Variants in GNAQ observed in about 807,000 individuals in gnomAD.
GNAQ encodes guanine nucleotide-binding protein G(q) subunit alpha.
Under a neutral mutation model 43.9 loss-of-function variants are expected in GNAQ, and 8 were observed. The observed-to-expected ratio is 0.18, with a 90% CI of 0.11 to 0.33. The LOEUF (loss-of-function observed/expected upper bound fraction) is 0.33, where lower values mean the gene tolerates loss of function less well. GNAQ is among the 10% of genes least tolerant of loss of function. GNAQ has a pLI of 1.00. For missense variants in GNAQ, 158 were observed against 450.8 expected (o/e 0.35, Z 5.88); for synonymous variants, 155 against 170.7 (o/e 0.91, Z 0.71).
Position 77,874,125 on chromosome 9 carries a change from C to CA in GNAQ, c.321+48035dup, listed in dbSNP as rs1463980023. On this transcript the variant is annotated intron_variant, in intron 2 of 6. Coordinates refer to ENST00000286548, the MANE Select transcript of GNAQ (RefSeq NM_002072.5). ...ATCTCAAAAAAAAAAAACAAAAAAACAAAAAAACAAAAAAACAAGAAAGAA... is the reference window on the plus strand; with the variant it reads ...ATCTCAAAAAAAAAAAACAAAAAAACAAAAAAAACAAAAAAACAAGAAAGAA... Among the ~76,000 whole-genome samples the CA allele has an allele frequency of 2.0e-5, 3 of 149,926 alleles. No homozygotes were observed. The South Asian group carries it at 6.3e-4, about 32-fold the overall frequency.
At chr9:78,002,683 T>G (rs1240185169) in intron 1 of GNAQ, among the ~76,000 whole-genome samples, 1 of 152,208 alleles carries the variant, frequency 6.6e-6, no homozygotes, top group Non-Finnish European at 1.5e-5. Context: ...ACTGCATCTT[T>G]TCAACTAGGA....
intron 1 of GNAQ, among the ~76,000 whole-genome samples, chr9:77,980,664 T>TA (rs139443196): frequency 0.29 from 43,994 of 149,698 alleles, 6,554 homozygotes; most frequent in South Asian, 0.44. Context: ...TTTACTAGTT[T>TA]AAAAAAAAAA....
chr9:77,917,623 C>G (rs1328757546), intron 2 of GNAQ, among the ~76,000 whole-genome samples: 1 of 152,164 alleles, frequency 6.6e-6, no homozygotes, highest in African/African-American at 2.4e-5. Context: ...CAGTCAAATG[C>G]CCTTGCACCT....
At chr9:77,750,292 C>G (rs572134656) in intron 5 of GNAQ, among the ~76,000 whole-genome samples, 2 of 152,198 alleles carry the variant, frequency 1.3e-5, no homozygotes, top group Admixed American at 1.3e-4. Flanking sequence ...TTTTGATATT[C>G]AATCTTTCTT....
At chr9:77,976,143 T>C (rs1191792783) in intron 1 of GNAQ, among the ~76,000 whole-genome samples, 2 of 152,044 alleles carry the variant, frequency 1.3e-5, no homozygotes, top group Non-Finnish European at 2.9e-5. Context: ...TTGTTTTAAC[T>C]TTTTGTCTTC....
intron 5 of GNAQ, among the ~76,000 whole-genome samples, chr9:77,767,640 G>A (rs1460378304): frequency 6.6e-6 from 1 of 152,216 alleles, no homozygotes; most frequent in Non-Finnish European, 1.5e-5. Context: ...GATAAAATGG[G>A]ATGAGACTAT....
intron 2 of GNAQ, among the ~76,000 whole-genome samples, chr9:77,877,788 G>A (rs1219571892): frequency 1.3e-5 from 2 of 152,080 alleles, no homozygotes; most frequent in African/African-American, 4.8e-5. Context: ...GGCAAACAAC[G>A]CAGACCCATC....
At chr9:78,001,334 G>T (rs910892377) in intron 1 of GNAQ, among the ~76,000 whole-genome samples, 4 of 152,078 alleles carry the variant, frequency 2.6e-5, no homozygotes, top group African/African-American at 9.7e-5. Flanking sequence ...CTGGGAGGCA[G>T]AGGCTGCAGT....
chr9:77,903,495 A>G (rs1017407674), intron 2 of GNAQ, among the ~76,000 whole-genome samples: 4 of 152,198 alleles, frequency 2.6e-5, no homozygotes, highest in African/African-American at 9.7e-5. Context: ...AGAACATCTC[A>G]GTGGGAACAG....
At chr9:77,871,767 T>C (rs892076578) in intron 2 of GNAQ, among the ~76,000 whole-genome samples, 6 of 152,182 alleles carry the variant, frequency 3.9e-5, no homozygotes, top group African/African-American at 1.4e-4. Flanking sequence ...ATAATAGAAT[T>C]GCAGAATTTT....
chr9:77,943,775 T>C (rs1223786822), intron 1 of GNAQ, among the ~76,000 whole-genome samples: 1 of 151,244 alleles, frequency 6.6e-6, no homozygotes, highest in Non-Finnish European at 1.5e-5. Context: ...GCAATTCTCC[T>C]GCCTCAGCCT....
At chr9:77,935,946 G>A (rs1829224954) in intron 1 of GNAQ, among the ~76,000 whole-genome samples, 1 of 152,110 alleles carries the variant, frequency 6.6e-6, no homozygotes, top group African/African-American at 2.4e-5. Context: ...ATGGAAATAT[G>A]CCTTCTTCCT....
chr9:77,925,038 C>T (rs1206842767), intron 1 of GNAQ, among the ~76,000 whole-genome samples: 1 of 152,026 alleles, frequency 6.6e-6, no homozygotes, highest in Non-Finnish European at 1.5e-5. Context: ...TCAAAAGGTC[C>T]CAGCTCCTGC....
intron 1 of GNAQ, among the ~76,000 whole-genome samples, chr9:77,941,551 T>C (rs1223018536): frequency 6.6e-6 from 1 of 152,080 alleles, no homozygotes; most frequent in Non-Finnish European, 1.5e-5. Context: ...GCCTGGCCAA[T>C]AGGTACCATA....
At chr9:77,965,452 C>G (rs1587434937) in intron 1 of GNAQ, among the ~76,000 whole-genome samples, 1 of 152,190 alleles carries the variant, frequency 6.6e-6, no homozygotes, top group East Asian at 1.9e-4. Context: ...GGAGAAAATA[C>G]TTGCAAAGCA....
chr9:77,776,664 A>G (rs1490849481), intron 5 of GNAQ, among the ~76,000 whole-genome samples: 2 of 152,228 alleles, frequency 1.3e-5, no homozygotes, highest in Non-Finnish European at 2.9e-5. Flanking sequence ...TTCACTTTCA[A>G]TAATGTATAG....
At chr9:77,762,535 C>A (rs1320201187) in intron 5 of GNAQ, among the ~76,000 whole-genome samples, 2 of 149,720 alleles carry the variant, frequency 1.3e-5, no homozygotes, top group East Asian at 4.1e-4. Context: ...CGCCTCTGCC[C>A]GGCCGCCCCT....
intron 2 of GNAQ, among the ~76,000 whole-genome samples, chr9:77,878,225 GTTTTTTT>G (rs373943232): frequency 7.9e-6 from 1 of 126,298 alleles, no homozygotes; most frequent in African/African-American, 2.8e-5. Flanking sequence ...GGTATTTGGT[GTTTTTTT>G]TTTTTTTTTT....
At chr9:77,926,680 C>G (rs899196456) in intron 1 of GNAQ, among the ~76,000 whole-genome samples, 1 of 152,134 alleles carries the variant, frequency 6.6e-6, no homozygotes, top group African/African-American at 2.4e-5. Context: ...TGAACACACA[C>G]AAGGGTGTGA....
Sources: allele counts gnomAD v4.1 joint callset (sites outside exome capture counted in the v4.1 genomes callset), GRCh38; gene constraint gnomAD v4.1.1; transcripts MANE v1.5; gene names NCBI Gene and HGNC (gene_info 2026-07-23, HGNC 2026-07-21).